The following AMOTL2 variants were observed in gnomAD, a reference collection of about 807,000 sequenced individuals.
AMOTL2 encodes the protein angiomotin-like protein 2.
Under a neutral mutation model 78.4 loss-of-function variants are expected in AMOTL2, and 33 were observed. The ratio of observed to expected loss-of-function variants is 0.42; its 90% CI spans 0.32 to 0.56. AMOTL2 has a LOEUF of 0.56. Among genes scored for constraint, AMOTL2 ranks in the 20% least tolerant of loss-of-function variants. AMOTL2 has a pLI of 0.12. For missense variants in AMOTL2, 983 were observed against 1,030.1 expected (o/e 0.95, Z 0.63); for synonymous variants, 422 against 428.8 (o/e 0.98, Z 0.20).
intron 1 of AMOTL2, chr3:134,373,928 G>T: frequency 1.3e-6 from 1 of 757,598 alleles, no homozygotes; most frequent in African/African-American, 1.9e-5. Flanking sequence ...TGGACTAGTT[G>T]GGGGCAAAGG....
At chr3:134,367,078 G>A (rs545946720) in intron 3 of AMOTL2, among the ~76,000 whole-genome samples, 4 of 152,122 alleles carry the variant, frequency 2.6e-5, no homozygotes, top group Admixed American at 2.0e-4. Context: ...CCAACAAGTC[G>A]CCCATTTTTT....
intron 5 of AMOTL2, 108 bp from the exon 6 acceptor site, chr3:134,361,915 C>T: frequency 5.1e-6 from 5 of 989,938 alleles, no homozygotes; most frequent in Non-Finnish European, 7.2e-6. Flanking sequence ...TTCTCATTCT[C>T]TCAAAAATAA....
chr3:134,363,697 T>A (rs114568552), intron 5 of AMOTL2, among the ~76,000 whole-genome samples: 1 of 152,266 alleles, frequency 6.6e-6, no homozygotes, highest in South Asian at 2.1e-4. Flanking sequence ...GCAGATGGCA[T>A]TGGTGATAAT....
rs35993053 is a variant in AMOTL2 at position 134,361,528 on chromosome 3, G to T, written c.1559C>A (p.Ala520Asp). The T allele has an allele frequency of 6.2e-7, 1 of 1,611,382 alleles. No homozygotes were observed. The highest frequency in any genetic ancestry group is 1.7e-5 in the Admixed American group (1 of 59,860). Residue 520 changes from alanine to aspartate, a missense_variant, in exon 6 of 10, where the codon GCC becomes GAC. Coordinates refer to ENST00000249883, the MANE Select transcript of AMOTL2 (RefSeq NM_016201.4). The stretch of plus-strand genomic sequence containing the variant: ...TCAGCTCACCTGCTGTGCACGCAGG[G>T]CCTTGAGTTCCTGCTCCAGGCGAGT... ...LRTRLEQELK[A>D]LRAQQRQAGA...
Position 134,361,732 on chromosome 3 carries a change from C to T in AMOTL2, c.1355G>A (p.Arg452Gln), listed in dbSNP as rs776675078. ...CTGCTCCAGCAGCTCGGCACGCCGC[C>T]GCTGGTCCTCGATGGCGCCGCGCAG... ...ALLRGAIEDQRRRAELLEQAL... is the reference protein window; with the variant it reads ...ALLRGAIEDQQRRAELLEQAL... Residue 452 changes from arginine (R) to glutamine (Q), a missense_variant, in exon 6 of 10, where the codon CGG becomes CAG. Physicochemically the swap from Arg to Gln is conservative, Grantham distance 43 (BLOSUM62 1). Coordinates refer to ENST00000249883, the MANE Select transcript of AMOTL2 (RefSeq NM_016201.4). 5.0e-6 allele frequency: 8 copies of T among 1,606,734 alleles called. No individual in the cohort carries two copies. Among genetic ancestry groups the T allele is most frequent in the South Asian group, 1.1e-5 (1 of 90,624 alleles).
intron 2 of AMOTL2, 128 bp downstream of exon 2, chr3:134,370,572 T>C: frequency 8.1e-7 from 1 of 1,238,664 alleles, no homozygotes; most frequent in Non-Finnish European, 1.1e-6. Flanking sequence ...TAGCTCTCCC[T>C]TCTCAGGTTG....
rs1364007131 is a variant in AMOTL2 at position 134,365,917 on chromosome 3, A to G, written c.1187-8T>C. ...TTGCAGATTCCAATCTCTCTGTTTC[A>G]AGGGAAGGAAAGATGTTTTAGTGTC... On this transcript the variant is annotated splice_region_variant and splice_polypyrimidine_tract_variant and intron_variant, in intron 4 of 9. Transcript: ENST00000249883. 6.2e-7 allele frequency: 1 copy of G among 1,613,266 alleles called. No homozygotes were observed. Among genetic ancestry groups the G allele is most frequent in the Admixed American group, 1.7e-5 (1 of 59,856 alleles).
At chr3:134,374,539 G>C (rs1287020403), upstream of AMOTL2, 6 of 985,328 alleles carry the variant, frequency 6.1e-6, no homozygotes, top group Admixed American at 6.1e-5. Flanking sequence ...GTTCCCCCTC[G>C]GGATCAAAGC....
At chr3:134,367,905 G>T in intron 2 of AMOTL2, 102 bp from the exon 3 acceptor site, 1 of 886,742 alleles carries the variant, frequency 1.1e-6, no homozygotes, top group Non-Finnish European at 1.7e-6. Flanking sequence ...TGGGAAGATG[G>T]TTAATTATTA....
At position 134,355,386 on chromosome 3, in the gene AMOTL2, C is replaced by A. The variant is rs773639623; in HGVS notation, c.*2319G>T. 3.9e-5 allele frequency among the ~76,000 whole-genome samples: 6 copies of A among 152,204 alleles called. No homozygotes were observed. The highest frequency in any genetic ancestry group is 5.9e-5 in the Non-Finnish European group (4 of 68,036). On this transcript the variant is annotated 3_prime_UTR_variant, in exon 10 of 10. Coordinates refer to ENST00000249883, the MANE Select transcript of AMOTL2 (RefSeq NM_016201.4). ...TTTAATTTTGAATTGGAGCAATATG[C>A]TTTCCTGAGCATCAGGAAAGAGTGG... is the stretch of plus-strand genomic sequence containing the variant.
chr3:134,360,178 T>A lies in AMOTL2; in HGVS notation c.1811A>T (p.Gln604Leu), dbSNP rs775857485. Reference protein sequence around the residue: ...RDTTLIRHSPQPSPSSSFNEG... With the variant: ...RDTTLIRHSPLPSPSSSFNEG... ...ATTGAAGCTGCTGCTGGGTGAGGGC[T>A]GGGGGGAATGTCGGATGAGAGTGGT... Residue 604 changes from glutamine (Q) to leucine (L), a missense_variant, in exon 7 of 10, where the codon CAG becomes CTG. Physicochemically the swap from Gln to Leu is moderately radical, Grantham distance 113 (BLOSUM62 -2). Coordinates refer to ENST00000249883, the MANE Select transcript of AMOTL2 (RefSeq NM_016201.4). The A allele has an allele frequency of 6.2e-7, 1 of 1,614,016 alleles. No homozygotes were observed. Among genetic ancestry groups the A allele is most frequent in the East Asian group, 2.2e-5 (1 of 44,880 alleles).
intron 1 of AMOTL2, chr3:134,373,649 A>G (rs1173011134): frequency 1.0e-6 from 1 of 985,316 alleles, no homozygotes; most frequent in African/African-American, 1.7e-5. Context: ...CTGGCACCCC[A>G]GCCAGGGCTC....
chr3:134,363,296 GGAGGAAAATAC>G (rs55744302), intron 5 of AMOTL2, among the ~76,000 whole-genome samples: 31,956 of 152,066 alleles, frequency 0.21, 3,981 homozygotes, highest in Non-Finnish European at 0.29. Context: ...TCTGTGGCAT[GGAGGAAAATAC>G]GAGGAAGTCC....
rs2018006044 is a variant in AMOTL2, at chr3:134,374,341, C to A, written c.-62+1G>T. The A allele has an allele frequency of 1.0e-6, 1 of 984,362 alleles. No individual in the cohort carries two copies. The highest frequency in any genetic ancestry group is 1.2e-6 in the Non-Finnish European group (1 of 829,784). The allele number at this position is 984,362 out of a possible 1,614,324, so 61.0% of individuals were successfully genotyped here. A position where few individuals can be genotyped will look rare whatever the true frequency, so the allele number is the denominator to read the frequency against. On this transcript the variant is annotated splice_donor_variant, in intron 1 of 9. Coordinates refer to ENST00000249883, the MANE Select transcript of AMOTL2 (RefSeq NM_016201.4). LOFTEE classifies it low-confidence loss of function (5UTR_SPLICE). ...CCCGAGCGCCGAGCGGCCTTCCTTA[C>A]CGCTGCGGCCCGAGGGTGCCCAGCG...
rs920693092 is a variant in AMOTL2 at position 134,373,799 on chromosome 3, G to C, written c.-62+543C>G. 18 of 985,354 alleles carry C rather than the reference G, an allele frequency of 1.8e-5. No homozygotes were observed. In the African/African-American group the frequency reaches 2.1e-4, roughly 11 times the overall value. 61.0% of individuals were successfully genotyped at this position (985,354 alleles called of 1,614,324 possible). ...CCTCCCTCCCTCTCGAGCCCTCTTT[G>C]TTTTCCAAATACTCTAACGCTGACG... On this transcript the variant is annotated intron_variant, in intron 1 of 9. Coordinates refer to ENST00000249883, the MANE Select transcript of AMOTL2 (RefSeq NM_016201.4).
At chr3:134,369,324 T>C (rs1199846490) in intron 2 of AMOTL2, among the ~76,000 whole-genome samples, 1 of 152,212 alleles carries the variant, frequency 6.6e-6, no homozygotes, top group East Asian at 1.9e-4. Flanking sequence ...CTGGCATTCT[T>C]TGGGGATGAC....
In AMOTL2 at chr3:134,360,425, G is replaced by C; in HGVS notation, c.1576-12C>G. 6.2e-7 allele frequency: 1 copy of C among 1,604,110 alleles called. No individual in the cohort carries two copies. The highest frequency in any genetic ancestry group is 8.5e-7 in the Non-Finnish European group (1 of 1,175,040). ...GCACCTGCCTGTCTCTGCAGAGCAAGGAGTAGAGACCGTGGTCAAGGGTGC... is the reference window on the plus strand; with the variant it reads ...GCACCTGCCTGTCTCTGCAGAGCAACGAGTAGAGACCGTGGTCAAGGGTGC... On this transcript the variant is annotated splice_polypyrimidine_tract_variant and intron_variant, in intron 6 of 9. Coordinates refer to ENST00000249883, the MANE Select transcript of AMOTL2 (RefSeq NM_016201.4).
At position 134,357,732 on chromosome 3, in the gene AMOTL2, C is replaced by T. The variant is rs1202191825; in HGVS notation, c.2316G>A (p.Leu772=). Residue 772 remains leucine, a synonymous_variant, in exon 10 of 10, where the codon TTG becomes TTA. Coordinates refer to ENST00000249883, the MANE Select transcript of AMOTL2 (RefSeq NM_016201.4). The part of the protein sequence containing the change: ...DSVATSRVQD[L]SDMVEILI ...AGATCAGTATCTCCACCATGTCTGA[C>T]AAGTCCTGGACTCTGGATGTAGCTA... 6.2e-7 allele frequency: 1 copy of T among 1,614,090 alleles called. No individual in the cohort carries two copies. The highest frequency in any genetic ancestry group is 1.3e-5 in the African/African-American group (1 of 74,930).
At chr3:134,372,491 G>A (rs1194751083) in intron 1 of AMOTL2, among the ~76,000 whole-genome samples, 1 of 150,434 alleles carries the variant, frequency 6.6e-6, no homozygotes, top group African/African-American at 2.5e-5. Flanking sequence ...GAAAAAGGAA[G>A]GATGGCATGA....
Sources: allele counts gnomAD v4.1 joint callset (sites outside exome capture counted in the v4.1 genomes callset), GRCh38; gene constraint gnomAD v4.1.1; transcripts MANE v1.5; gene names NCBI Gene and HGNC (gene_info 2026-07-23, HGNC 2026-07-21).